Variants in SCLT1 observed in about 807,000 individuals in gnomAD.
The protein encoded by SCLT1 is sodium channel and clathrin linker 1, also known as sodium channel-associated protein 1.
A neutral mutation model predicts 112.8 loss-of-function variants in SCLT1; 78 were observed. The ratio of observed to expected loss-of-function variants is 0.69; its 90% CI spans 0.58 to 0.83. The LOEUF is 0.83. Ranked by LOEUF, SCLT1 falls within the 40% of genes least tolerant of loss-of-function variation. The pLI is 0.00. For missense variants in SCLT1, 747 were observed against 770.4 expected (o/e 0.97, Z 0.36); for synonymous variants, 257 against 254.7 (o/e 1.01, Z -0.09).
chr4:129,064,222 G>A (rs113085020), intron 2 of SCLT1, among the ~76,000 whole-genome samples: 1 of 152,198 alleles, frequency 6.6e-6, no homozygotes, highest in East Asian at 1.9e-4. Flanking sequence ...ATTTAAGATA[G>A]TAATAACCAG....
intron 19 of SCLT1, among the ~76,000 whole-genome samples, chr4:128,889,871 T>C (rs917820439): frequency 6.6e-6 from 1 of 152,186 alleles, no homozygotes; most frequent in African/African-American, 2.4e-5. Flanking sequence ...AACCAGAAAC[T>C]TATAGTTCCC....
chr4:129,054,039 C>A (rs952435025), intron 2 of SCLT1, among the ~76,000 whole-genome samples: 2 of 152,032 alleles, frequency 1.3e-5, no homozygotes, highest in Non-Finnish European at 2.9e-5. Context: ...ATATAAAATT[C>A]TGGGTTGAAA....
At position 129,020,217 on chromosome 4, in the gene SCLT1, A is replaced by C. The variant is rs146421874; in HGVS notation, c.291-16341T>G. Among the ~76,000 whole-genome samples, 303 of 152,258 alleles carry C rather than the reference A, an allele frequency of 2.0e-3. 1 individual carries two copies. The highest frequency in any genetic ancestry group is 3.5e-3 in the Admixed American group (53 of 15,292). On this transcript the variant is annotated intron_variant, in intron 5 of 20. Coordinates refer to ENST00000281142, the MANE Select transcript of SCLT1 (RefSeq NM_144643.4). ...TTCTACTTCTTCTGACTGAGCTCAA[A>C]TTTTACCCACTCATTTAAGCCTTCT...
intron 2 of SCLT1, among the ~76,000 whole-genome samples, chr4:129,074,456 G>A (rs1412893776): frequency 6.6e-6 from 1 of 152,082 alleles, no homozygotes; most frequent in Non-Finnish European, 1.5e-5. Context: ...TGTTGATTTA[G>A]CAATCCTTTT....
intron 20 of SCLT1, 44 bp downstream of exon 20, chr4:128,888,630 ACTTAT>A: frequency 9.2e-7 from 1 of 1,085,154 alleles, no homozygotes; most frequent in Non-Finnish European, 1.4e-6. Flanking sequence ...CTTCTAAAAA[ACTTAT>A]CTTTGAACTG....
At chr4:128,911,231 A>T (rs1296670592) in intron 18 of SCLT1, among the ~76,000 whole-genome samples, 1 of 152,186 alleles carries the variant, frequency 6.6e-6, no homozygotes, top group African/African-American at 2.4e-5. Flanking sequence ...GTGCCATTGC[A>T]CTCTAGCCTG....
intron 18 of SCLT1, among the ~76,000 whole-genome samples, chr4:128,905,973 C>T (rs1351014971): frequency 1.3e-5 from 2 of 152,080 alleles, no homozygotes; most frequent in African/African-American, 4.8e-5. Flanking sequence ...CAGCCTCTCC[C>T]CACTAGAATG....
At chr4:128,873,623 A>G (rs1026088980) in intron 5 of SCLT1, 2 of 152,466 alleles carry the variant, frequency 1.3e-5, no homozygotes, top group African/African-American at 2.4e-5. Flanking sequence ...TTGGAATTCA[A>G]TGTGGTTGTG....
intron 1 of SCLT1, among the ~76,000 whole-genome samples, chr4:129,084,049 T>A (rs1752185843): frequency 6.6e-6 from 1 of 152,246 alleles, no homozygotes; most frequent in African/African-American, 2.4e-5. Context: ...ACTGTTATTA[T>A]AATGAATGCT....
At chr4:128,951,241 C>A (rs547092779) in intron 14 of SCLT1, among the ~76,000 whole-genome samples, 10 of 152,216 alleles carry the variant, frequency 6.6e-5, no homozygotes, top group Admixed American at 5.9e-4. Flanking sequence ...TTGAGAAAAT[C>A]TGTCTTAAAG....
At chr4:129,083,186 G>GAAAAAAAAA (rs10651058) in intron 1 of SCLT1, among the ~76,000 whole-genome samples, 2 of 84,536 alleles carry the variant, frequency 2.4e-5, no homozygotes, top group African/African-American at 5.3e-5. Flanking sequence ...GTGAGACTCT[G>GAAAAAAAAA]AAAAAAAAAA....
chr4:128,891,909 T>A (rs1378337334), intron 18 of SCLT1, among the ~76,000 whole-genome samples: 1 of 152,150 alleles, frequency 6.6e-6, no homozygotes, highest in Non-Finnish European at 1.5e-5. Context: ...CCTCCCAAAG[T>A]GCTGGGATTA....
chr4:129,021,757 G>A (rs572957256), intron 5 of SCLT1, among the ~76,000 whole-genome samples: 103 of 152,316 alleles, frequency 6.8e-4, no homozygotes, highest in African/African-American at 2.3e-3. Context: ...CCTGCCTGCC[G>A]GTTGTGAAGA....
intron 15 of SCLT1, 104 bp downstream of exon 15, chr4:128,948,392 T>G: frequency 1.2e-6 from 1 of 812,976 alleles, no homozygotes; most frequent in Non-Finnish European, 1.7e-6. Context: ...AGGACAATAC[T>G]AACAAATAAA....
rs557575869 is a variant in SCLT1 at position 129,028,445 on chromosome 4, A to G, written c.290+10596T>C. Among the ~76,000 whole-genome samples the G allele has an allele frequency of 4.3e-4, 65 of 152,302 alleles. No individual in the cohort carries two copies. In the East Asian group the frequency reaches 0.012, roughly 29 times the overall value. On this transcript the variant is annotated intron_variant, in intron 5 of 20. Coordinates refer to ENST00000281142, the MANE Select transcript of SCLT1 (RefSeq NM_144643.4). ...ATGGGGAAAGGATTCCCTATTTAATAAATGGTGCTGGGAAAACTGGCTAGC... is the reference window on the plus strand; with the variant it reads ...ATGGGGAAAGGATTCCCTATTTAATGAATGGTGCTGGGAAAACTGGCTAGC...
intron 15 of SCLT1, among the ~76,000 whole-genome samples, chr4:128,947,676 T>C (rs1738292527): frequency 6.6e-6 from 1 of 152,150 alleles, no homozygotes; most frequent in Non-Finnish European, 1.5e-5. Flanking sequence ...CAAGGTACTT[T>C]ACAAGAGCAG....
intron 11 of SCLT1, among the ~76,000 whole-genome samples, chr4:128,960,926 CAAAAAA>C (rs34599122): frequency 1.9e-5 from 1 of 52,494 alleles, no homozygotes; most frequent in Non-Finnish European, 3.2e-5. Flanking sequence ...GACTCCGTCT[CAAAAAA>C]AAAAAAAAAA....
chr4:129,081,004 T>C (rs149064805), intron 2 of SCLT1, among the ~76,000 whole-genome samples: 3 of 152,212 alleles, frequency 2.0e-5, no homozygotes, highest in Admixed American at 1.3e-4. Context: ...CCCGAGAGCA[T>C]AACAGCTCAG....
intron 8 of SCLT1, among the ~76,000 whole-genome samples, chr4:128,993,741 C>T (rs776113811): frequency 3.9e-5 from 6 of 151,976 alleles, no homozygotes; most frequent in Non-Finnish European, 7.4e-5. Context: ...TGTTTTACCA[C>T]GGAGACAGAG....
Sources: allele counts gnomAD v4.1 joint callset (sites outside exome capture counted in the v4.1 genomes callset), GRCh38; gene constraint gnomAD v4.1.1; transcripts MANE v1.5; gene names NCBI Gene and HGNC (gene_info 2026-07-23, HGNC 2026-07-21).